DCC: variants seen among roughly 807,000 people sequenced by gnomAD.
DCC encodes netrin receptor DCC.
Under a neutral mutation model 172.5 loss-of-function variants are expected in DCC, and 58 were observed. That is an observed-to-expected ratio of 0.34 (90% CI 0.27 to 0.42). The LOEUF (loss-of-function observed/expected upper bound fraction) is 0.42. DCC is among the 10% of genes least tolerant of loss of function. The pLI is 1.00. For missense variants in DCC, 1,740 were observed against 1,791.0 expected, an observed-to-expected ratio of 0.97 and a Z score of 0.51; for synonymous variants, 709 against 644.5, an observed-to-expected ratio of 1.10 and a Z score of -1.52.
At chr18:52,422,665 C>T (rs919213016) in intron 1 of DCC, among the ~76,000 whole-genome samples, 2 of 152,004 alleles carry the variant, frequency 1.3e-5, no homozygotes, top group Non-Finnish European at 2.9e-5. Context: ...GGTTCATTAC[C>T]AGATGTGCAA....
intron 14 of DCC, among the ~76,000 whole-genome samples, chr18:53,332,244 A>T (rs1162109337): frequency 6.6e-6 from 1 of 152,186 alleles, no homozygotes; most frequent in Non-Finnish European, 1.5e-5. Flanking sequence ...AGACTTCTAC[A>T]TTCTTTTTCT....
At chr18:52,713,897 T>C (rs933234570) in intron 1 of DCC, among the ~76,000 whole-genome samples, 2 of 152,142 alleles carry the variant, frequency 1.3e-5, no homozygotes, top group Non-Finnish European at 2.9e-5. Flanking sequence ...GTACAAGTTT[T>C]GCACAGAAAG....
At chr18:53,362,363 T>G (rs1891071286) in intron 15 of DCC, among the ~76,000 whole-genome samples, 1 of 152,186 alleles carries the variant, frequency 6.6e-6, no homozygotes, top group Non-Finnish European at 1.5e-5. Flanking sequence ...ATTTTTTCTT[T>G]TGGTACATTT....
chr18:53,444,533 C>T (rs1403677153), intron 22 of DCC, among the ~76,000 whole-genome samples: 1 of 152,138 alleles, frequency 6.6e-6, no homozygotes, highest in Admixed American at 6.6e-5. Context: ...ATTGCCACAG[C>T]CACCCCACCC....
chr18:53,395,150 C>CAAAAA (rs35414902), intron 17 of DCC, among the ~76,000 whole-genome samples: 1 of 125,232 alleles, frequency 8.0e-6, no homozygotes. Flanking sequence ...AACTCCATCT[C>CAAAAA]AAAAAAAAAA....
At chr18:53,496,997 TA>T (rs1246503104) in intron 26 of DCC, among the ~76,000 whole-genome samples, 5 of 152,258 alleles carry the variant, frequency 3.3e-5, no homozygotes, top group Non-Finnish European at 7.3e-5. Context: ...AACCAGTGTT[TA>T]AAATGTAATG....
At chr18:53,150,301 C>T (rs549289699) in intron 7 of DCC, among the ~76,000 whole-genome samples, 95 of 152,340 alleles carry the variant, frequency 6.2e-4, no homozygotes, top group Admixed American at 5.9e-3. Context: ...AGTGCATATT[C>T]TCAAGCAACC....
intron 1 of DCC, among the ~76,000 whole-genome samples, chr18:52,707,710 G>A (rs554471087): frequency 1.3e-5 from 2 of 152,270 alleles, no homozygotes; most frequent in South Asian, 4.1e-4. Flanking sequence ...TGAAATTCGT[G>A]ACATGGATGA....
intron 7 of DCC, among the ~76,000 whole-genome samples, chr18:53,128,870 CATATATATATATATATATATATAT>C (rs367907467): frequency 1.3e-5 from 1 of 77,480 alleles, no homozygotes; most frequent in African/African-American, 6.3e-5. Context: ...CACACACACA[CATATATATATATATATATATATAT>C]ATATATATAT....
At chr18:53,498,683 A>G (rs1281146855) in intron 26 of DCC, among the ~76,000 whole-genome samples, 1 of 152,216 alleles carries the variant, frequency 6.6e-6, no homozygotes, top group African/African-American at 2.4e-5. Context: ...AAGGTTTACT[A>G]TCAAAGAGGA....
chr18:52,709,136 G>A (rs1195302043), intron 1 of DCC, among the ~76,000 whole-genome samples: 1 of 152,130 alleles, frequency 6.6e-6, no homozygotes, highest in Non-Finnish European at 1.5e-5. Context: ...CAAGATACCT[G>A]TAATTATCTC....
chr18:53,071,778 C>T (rs1427116185), intron 7 of DCC, among the ~76,000 whole-genome samples: 1 of 152,114 alleles, frequency 6.6e-6, no homozygotes, highest in African/African-American at 2.4e-5. Context: ...CTAAATAAGA[C>T]ATTATTACTG....
intron 5 of DCC, among the ~76,000 whole-genome samples, chr18:53,026,585 T>C (rs1158880289): frequency 1.3e-5 from 2 of 152,144 alleles, no homozygotes; most frequent in African/African-American, 2.4e-5. Flanking sequence ...AGACAGGGTA[T>C]CTCTCTGTCA....
rs560657475 is a variant in DCC, at chr18:53,476,123, C to T, written c.3736+8113C>T. Among the ~76,000 whole-genome samples, 15 of 152,226 alleles carry T rather than the reference C, an allele frequency of 9.9e-5. No homozygotes were observed. In the South Asian group the frequency reaches 3.1e-3, roughly 32 times the overall value. On this transcript the variant is annotated intron_variant, in intron 25 of 28. Transcript: ENST00000442544. Reference sequence around the variant, plus strand: ...CTGTATTTACCAAATGCCTGTAACCCCATTTTATATAGGAAGTAACTAACT... The same window carrying T: ...CTGTATTTACCAAATGCCTGTAACCTCATTTTATATAGGAAGTAACTAACT...
chr18:52,775,466 T>C (rs953298572), intron 2 of DCC, among the ~76,000 whole-genome samples: 1 of 152,184 alleles, frequency 6.6e-6, no homozygotes, highest in Non-Finnish European at 1.5e-5. Flanking sequence ...AATAATCAGA[T>C]CACACGTGAG....
chr18:52,923,807 T>C lies in DCC; in HGVS notation c.798T>C (p.Tyr266=). Residue 266 remains tyrosine, a synonymous_variant, in exon 4 of 29, where the codon TAT becomes TAC. Coordinates refer to ENST00000442544, the MANE Select transcript of DCC (RefSeq NM_005215.4). ...TCCTGGAATGTTGTGTTTCTGGCTATCCTCCACCAAGTTTTACCTGGTTAC... is the reference window on the plus strand; with the variant it reads ...TCCTGGAATGTTGTGTTTCTGGCTACCCTCCACCAAGTTTTACCTGGTTAC... ...DAVLECCVSG[Y]PPPSFTWLRG... The C allele has an allele frequency of 6.2e-7, 1 of 1,613,446 alleles. No homozygotes were observed. The highest frequency in any genetic ancestry group is 1.3e-5 in the African/African-American group (1 of 75,002).
chr18:53,315,670 T>C lies in DCC; in HGVS notation c.2054-6377T>C, dbSNP rs570985283. On this transcript the variant is annotated intron_variant, in intron 13 of 28. Coordinates refer to ENST00000442544, the MANE Select transcript of DCC (RefSeq NM_005215.4). ...GATCACCATTCTAACTGACATGAGA[T>C]GGTATCTCATTGTGGTTTTGATTAG... 1.1e-4 allele frequency among the ~76,000 whole-genome samples: 17 copies of C among 152,316 alleles called. No individual in the cohort carries two copies. In the South Asian group the frequency reaches 1.4e-3, roughly 13 times the overall value.
chr18:52,946,029 C>T (rs535829371), intron 5 of DCC, among the ~76,000 whole-genome samples: 83 of 152,252 alleles, frequency 5.5e-4, no homozygotes, highest in Non-Finnish European at 1.0e-3. Flanking sequence ...AGTTCCCCTG[C>T]CTTCCTTTGT....
intron 12 of DCC, among the ~76,000 whole-genome samples, chr18:53,233,625 C>T (rs1598931315): frequency 6.6e-6 from 1 of 152,114 alleles, no homozygotes; most frequent in Non-Finnish European, 1.5e-5. Context: ...GTTTATTCTG[C>T]TAAACTATAA....
Sources: gnomAD v4.1 joint callset for allele counts (sites outside exome capture counted in the v4.1 genomes callset) on GRCh38, gnomAD v4.1.1 for gene constraint, MANE v1.5 for transcripts, NCBI Gene and HGNC (gene_info 2026-07-23, HGNC 2026-07-21) for gene names.